EI24: variants seen among roughly 807,000 people sequenced by gnomAD.
EI24 encodes the protein EI24 autophagy associated transmembrane protein, also known as etoposide-induced protein 2.4 homolog.
Under a neutral mutation model 48.6 loss-of-function variants are expected in EI24, and 21 were observed. The observed-to-expected ratio is 0.43, with a 90% CI of 0.31 to 0.62. The LOEUF (loss-of-function observed/expected upper bound fraction) is 0.62. Ranked by LOEUF, EI24 falls within the 20% of genes least tolerant of loss-of-function variation. The pLI is 0.10. For missense variants in EI24, 280 were observed against 410.5 expected (o/e 0.68, Z 2.75); for synonymous variants, 114 against 145.5 (o/e 0.78, Z 1.56).
At chr11:125,577,607 G>C in intron 5 of EI24, 37 bp downstream of exon 5, 1 of 1,550,368 alleles carries the variant, frequency 6.5e-7, no homozygotes, top group Non-Finnish European at 8.8e-7. Context: ...GTTGGGGACA[G>C]AGTGGGAGAT....
In EI24 at chr11:125,572,359, T is replaced by C. The variant is rs558788915; in HGVS notation, c.-70-99T>C. 1.2e-5 allele frequency: 8 copies of C among 644,852 alleles called. No homozygotes were observed. In the East Asian group the frequency reaches 1.9e-4, roughly 15 times the overall value. The allele number at this position is 644,852 out of a possible 1,614,324, so 39.9% of individuals were successfully genotyped here. On this transcript the variant is annotated intron_variant, in intron 1 of 10. Transcript: ENST00000278903. ...GTGCTAGAATCTACTGCTATCTTACTAGAGCTACAAGTATGTGAGGTCATC... is the reference window on the plus strand; with the variant it reads ...GTGCTAGAATCTACTGCTATCTTACCAGAGCTACAAGTATGTGAGGTCATC...
At position 125,579,661 on chromosome 11, in the gene EI24, G is replaced by C. The variant is rs113175684; in HGVS notation, c.562-432G>C. 5.6e-3 allele frequency among the ~76,000 whole-genome samples: 856 copies of C among 152,138 alleles called. 7 individuals are homozygous for C. Among genetic ancestry groups the C allele is most frequent in the African/African-American group, 0.019 (800 of 41,510 alleles). ...CAGCCTGGGCGACAAGAGCAAAACT[G>C]TCTCAAAAATAAATAAATAAATAAA... On this transcript the variant is annotated intron_variant, in intron 7 of 10. Coordinates refer to ENST00000278903, the MANE Select transcript of EI24 (RefSeq NM_004879.5).
At position 125,583,658 on chromosome 11, in the gene EI24, A is replaced by G; in HGVS notation, c.998A>G (p.Lys333Arg). Residue 333 changes from lysine to arginine, a missense_variant, in exon 11 of 11, where the codon AAA becomes AGA. Coordinates refer to ENST00000278903, the MANE Select transcript of EI24 (RefSeq NM_004879.5). ...KFPSPHPSPA[K>R]LKATAGH ...CCTTCACCGCATCCGTCGCCTGCCA[A>G]ACTGAAGGCTACTGCAGGTCACTGA... 2 of 1,613,208 alleles carry G rather than the reference A, an allele frequency of 1.2e-6. No homozygotes were observed. The highest frequency in any genetic ancestry group is 1.1e-5 in the South Asian group (1 of 90,906).
chr11:125,579,187 G>A, intron 7 of EI24, 119 bp downstream of exon 7: 4 of 826,692 alleles, frequency 4.8e-6, no homozygotes, highest in Non-Finnish European at 6.6e-6. Context: ...ATATGCTGGT[G>A]GGAGGTAATG....
chr11:125,582,297 T>C (rs1312227154), intron 9 of EI24, 49 bp from the exon 10 acceptor site: 10 of 1,458,810 alleles, frequency 6.9e-6, no homozygotes, highest in Non-Finnish European at 8.3e-6. Flanking sequence ...TTCAAAGTCA[T>C]GTCTGTTATG....
chr11:125,581,112 A>AT (rs71279475), intron 8 of EI24, 99 bp from the exon 9 acceptor site: 2 of 329,376 alleles, frequency 6.1e-6, no homozygotes, highest in Admixed American at 5.1e-5. Flanking sequence ...AATAATAATA[A>AT]AATCTGTACC....
At chr11:125,583,366 G>C (rs1457654222) in intron 10 of EI24, among the ~76,000 whole-genome samples, 155 bp from the exon 11 acceptor site, 2 of 152,218 alleles carry the variant, frequency 1.3e-5, no homozygotes, top group African/African-American at 4.8e-5. Flanking sequence ...TTAGTTGCCT[G>C]TTCCATCCAT....
intron 1 of EI24, chr11:125,570,363 G>GT (rs1938490502): frequency 6.6e-6 from 1 of 152,222 alleles, no homozygotes; most frequent in Non-Finnish European, 1.5e-5. Flanking sequence ...TTCAGTCTGT[G>GT]TGTGTGTTCT....
intron 1 of EI24, 142 bp downstream of exon 1, chr11:125,569,715 G>A (rs1938458558): frequency 3.2e-6 from 1 of 317,432 alleles, no homozygotes; most frequent in Non-Finnish European, 5.7e-6. Context: ...GGGCCGGAGG[G>A]AGCGGGACGG....
At chr11:125,572,077 G>A (rs1016326423) in intron 1 of EI24, among the ~76,000 whole-genome samples, 1 of 152,148 alleles carries the variant, frequency 6.6e-6, no homozygotes, top group African/African-American at 2.4e-5. Context: ...TGCTTAAGAA[G>A]ATATTGAAAT....
chr11:125,580,436 T>C (rs917187604), intron 8 of EI24, among the ~76,000 whole-genome samples: 4 of 152,206 alleles, frequency 2.6e-5, no homozygotes, highest in African/African-American at 9.6e-5. Flanking sequence ...ATGGTATATC[T>C]CTGACTGGGT....
chr11:125,582,498 TTA>T, intron 10 of EI24, 78 bp downstream of exon 10: 1 of 1,123,070 alleles, frequency 8.9e-7, no homozygotes, highest in Non-Finnish European at 1.3e-6. Context: ...GTGAGGCTTT[TTA>T]AAAAAAAAAA....
intron 3 of EI24, chr11:125,575,979 CA>C (rs1439872800): frequency 9.5e-6 from 4 of 420,684 alleles, no homozygotes; most frequent in African/African-American, 6.1e-5. Context: ...TTAGTGGAGA[CA>C]GGGTTTTGCC....
chr11:125,573,893 G>A (rs1471040615), intron 2 of EI24, among the ~76,000 whole-genome samples: 1 of 151,710 alleles, frequency 6.6e-6, no homozygotes, highest in Non-Finnish European at 1.5e-5. Flanking sequence ...TGTTGGCCAG[G>A]CTGGTCTTGA....
chr11:125,582,291 A>G, intron 9 of EI24, 55 bp from the exon 10 acceptor site: 1 of 1,442,582 alleles, frequency 6.9e-7, no homozygotes, highest in Non-Finnish European at 9.3e-7. Flanking sequence ...ATCTTCTTCA[A>G]AGTCATGTCT....
At chr11:125,582,068 C>G (rs1224528371) in intron 9 of EI24, among the ~76,000 whole-genome samples, 1 of 151,822 alleles carries the variant, frequency 6.6e-6, no homozygotes, top group East Asian at 2.0e-4. Context: ...CGTGGTGGCA[C>G]ACACCTGTAA....
chr11:125,571,262 C>T (rs981427856), intron 1 of EI24, among the ~76,000 whole-genome samples: 3 of 152,188 alleles, frequency 2.0e-5, no homozygotes, highest in Admixed American at 6.5e-5. Flanking sequence ...ACTGAGAATA[C>T]TGCAACTTGA....
chr11:125,570,708 G>GT (rs1040287421), intron 1 of EI24, among the ~76,000 whole-genome samples: 48 of 152,262 alleles, frequency 3.2e-4, no homozygotes, highest in African/African-American at 1.0e-3. Flanking sequence ...AGAATTTTAA[G>GT]TTTTTTTCAT....
intron 2 of EI24, chr11:125,574,837 A>G (rs1454403745): frequency 6.5e-6 from 1 of 152,826 alleles, no homozygotes; most frequent in African/African-American, 2.4e-5. Context: ...TTAAAAAAAA[A>G]CCTTTAATGT....
Sources: allele counts gnomAD v4.1 joint callset (sites outside exome capture counted in the v4.1 genomes callset), GRCh38; gene constraint gnomAD v4.1.1; transcripts MANE v1.5; gene names NCBI Gene and HGNC (gene_info 2026-07-23, HGNC 2026-07-21).